CLSTN2: variants seen among roughly 807,000 people sequenced by gnomAD.
The protein encoded by CLSTN2 is calsyntenin 2.
A neutral mutation model predicts 101.2 loss-of-function variants in CLSTN2; 48 were observed. That is an observed-to-expected ratio of 0.47 (90% CI 0.38 to 0.60). The LOEUF (loss-of-function observed/expected upper bound fraction) is 0.60. CLSTN2 is among the 20% of genes least tolerant of loss of function. The pLI is 0.00. For missense variants in CLSTN2, 1,160 were observed against 1,238.2 expected, an observed-to-expected ratio of 0.94 and a Z score of 0.95; for synonymous variants, 481 against 463.6, an observed-to-expected ratio of 1.04 and a Z score of -0.48.
At chr3:140,120,121 A>G (rs755142377) in intron 1 of CLSTN2, among the ~76,000 whole-genome samples, 1 of 152,140 alleles carries the variant, frequency 6.6e-6, no homozygotes, top group Non-Finnish European at 1.5e-5. Context: ...AGATAGTATC[A>G]AATCCCATAG....
At chr3:140,018,968 C>G (rs1318001616) in intron 1 of CLSTN2, among the ~76,000 whole-genome samples, 1 of 152,128 alleles carries the variant, frequency 6.6e-6, no homozygotes, top group African/African-American at 2.4e-5. Flanking sequence ...TGTATGGGAC[C>G]TTGACTCTGG....
At chr3:140,359,782 C>T (rs1413241003) in intron 2 of CLSTN2, among the ~76,000 whole-genome samples, 1 of 151,838 alleles carries the variant, frequency 6.6e-6, no homozygotes, top group Non-Finnish European at 1.5e-5. Flanking sequence ...TACTCATTTC[C>T]AATTATATCC....
intron 1 of CLSTN2, among the ~76,000 whole-genome samples, chr3:140,060,173 G>A (rs539215140): frequency 2.6e-5 from 4 of 152,274 alleles, no homozygotes; most frequent in Admixed American, 6.5e-5. Context: ...TTCTTGCATC[G>A]TTATGCCTTT....
At chr3:140,138,247 G>A (rs1001580023) in intron 1 of CLSTN2, among the ~76,000 whole-genome samples, 1 of 152,196 alleles carries the variant, frequency 6.6e-6, no homozygotes, top group African/African-American at 2.4e-5. Flanking sequence ...GAAGGACCAA[G>A]TACCTTGCAG....
rs535925265 is a variant in CLSTN2 at position 140,044,854 on chromosome 3, C to G, written c.109+109371C>G. ...AGTTTATTGATTTGCATATGTTGAA[C>G]CAGCCTTGCATCCCAGGGATGAAGC... On this transcript the variant is annotated intron_variant, in intron 1 of 16. Transcript: ENST00000458420. Among the ~76,000 whole-genome samples, 1,332 of 152,256 alleles carry G rather than the reference C, an allele frequency of 8.7e-3. 16 individuals are homozygous for G. Among genetic ancestry groups the G allele is most frequent in the South Asian group, 0.02 (96 of 4,808 alleles).
chr3:139,959,842 T>C (rs887113007), intron 1 of CLSTN2, among the ~76,000 whole-genome samples: 3 of 152,160 alleles, frequency 2.0e-5, no homozygotes, highest in Non-Finnish European at 4.4e-5. Context: ...AGAATGTCAC[T>C]ATCCACAAAC....
At position 140,033,073 on chromosome 3, in the gene CLSTN2, A is replaced by C. The variant is rs78509092; in HGVS notation, c.109+97590A>C. 2.4e-4 allele frequency among the ~76,000 whole-genome samples: 36 copies of C among 152,300 alleles called. No homozygotes were observed. The East Asian group carries it at 6.9e-3, about 29-fold the overall frequency. On this transcript the variant is annotated intron_variant, in intron 1 of 16. Transcript: ENST00000458420. ...ATTTCTGTGGTTTACTTATTTTTAA[A>C]ACTGGAATAATGATACTCGCTTCAT... is the stretch of plus-strand genomic sequence containing the variant.
At chr3:140,267,720 C>T (rs1454026863) in intron 2 of CLSTN2, among the ~76,000 whole-genome samples, 1 of 152,154 alleles carries the variant, frequency 6.6e-6, no homozygotes. Context: ...GGGAAAACCT[C>T]AGTGATTTCT....
chr3:140,199,171 C>A (rs539636858), intron 2 of CLSTN2, among the ~76,000 whole-genome samples: 1 of 152,102 alleles, frequency 6.6e-6, no homozygotes, highest in African/African-American at 2.4e-5. Flanking sequence ...CTTGTAAGTA[C>A]GCAGAATATT....
chr3:140,424,388 C>T (rs1462971318), intron 5 of CLSTN2, among the ~76,000 whole-genome samples: 1 of 152,170 alleles, frequency 6.6e-6, no homozygotes, highest in East Asian at 1.9e-4. Context: ...TAGAGAGGAA[C>T]CTCCTCTCCT....
At chr3:140,475,769 T>C (rs988276740) in intron 8 of CLSTN2, among the ~76,000 whole-genome samples, 1 of 152,226 alleles carries the variant, frequency 6.6e-6, no homozygotes, top group Non-Finnish European at 1.5e-5. Context: ...AAAATCATTA[T>C]TTGTGTTTCA....
intron 1 of CLSTN2, among the ~76,000 whole-genome samples, chr3:140,105,099 A>T (rs574254491): frequency 1.3e-5 from 2 of 152,266 alleles, no homozygotes; most frequent in Non-Finnish European, 1.5e-5. Flanking sequence ...TTGGTTAAGC[A>T]GTGACTAACA....
chr3:140,204,553 G>T (rs1030748180), intron 2 of CLSTN2, among the ~76,000 whole-genome samples: 1 of 151,996 alleles, frequency 6.6e-6, no homozygotes, highest in African/African-American at 2.4e-5. Context: ...GTGTTAATTT[G>T]GGAAAAGGCA....
intron 2 of CLSTN2, among the ~76,000 whole-genome samples, chr3:140,248,895 T>A (rs921971595): frequency 2.0e-5 from 3 of 152,222 alleles, no homozygotes; most frequent in African/African-American, 7.2e-5. Context: ...CTTTCTCTCA[T>A]TGGGCTTCCA....
intron 4 of CLSTN2, among the ~76,000 whole-genome samples, chr3:140,415,672 A>G (rs1423039389): frequency 6.6e-6 from 1 of 152,168 alleles, no homozygotes; most frequent in Non-Finnish European, 1.5e-5. Flanking sequence ...AATTATTAGG[A>G]TGACTACTGT....
At chr3:139,955,032 T>A (rs1459890926) in intron 1 of CLSTN2, among the ~76,000 whole-genome samples, 2 of 148,918 alleles carry the variant, frequency 1.3e-5, no homozygotes, top group Non-Finnish European at 3.0e-5. Context: ...TTAGCATATA[T>A]AACATATATA....
intron 11 of CLSTN2, 69 bp downstream of exon 11, chr3:140,556,730 T>C: frequency 6.7e-7 from 1 of 1,503,526 alleles, no homozygotes; most frequent in Non-Finnish European, 9.1e-7. Context: ...TGAGGTCCCT[T>C]GGGAATGTTC....
chr3:140,150,946 A>G (rs2009855030), intron 1 of CLSTN2, among the ~76,000 whole-genome samples: 2 of 152,062 alleles, frequency 1.3e-5, no homozygotes, highest in Admixed American at 1.3e-4. Context: ...AAATTGATCT[A>G]ATTTTATATG....
At chr3:140,049,063 G>T (rs2007938119) in intron 1 of CLSTN2, among the ~76,000 whole-genome samples, 2 of 152,198 alleles carry the variant, frequency 1.3e-5, no homozygotes, top group Admixed American at 1.3e-4. Context: ...GCTGGAACTT[G>T]AGTTTGAGCC....
Sources: gnomAD v4.1 joint callset for allele counts (sites outside exome capture counted in the v4.1 genomes callset) on GRCh38, gnomAD v4.1.1 for gene constraint, MANE v1.5 for transcripts, NCBI Gene and HGNC (gene_info 2026-07-23, HGNC 2026-07-21) for gene names.